Variants in KLHL30 observed in about 807,000 individuals in gnomAD.
KLHL30 encodes kelch like family member 30.
In KLHL30, 55 loss-of-function variants were observed where a neutral mutation model predicts 55.0. The ratio of observed to expected loss-of-function variants is 1.00; its 90% CI spans 0.80 to 1.25. The LOEUF (loss-of-function observed/expected upper bound fraction) is 1.25, where lower values mean the gene tolerates loss of function less well. Ranked by LOEUF, KLHL30 falls within the 50% of genes most tolerant of loss-of-function variation. The pLI is 0.00. For synonymous variants in KLHL30, 356 were observed against 372.6 expected (o/e 0.96, Z 0.51); for missense variants, 786 against 811.6 (o/e 0.97, Z 0.38).
intron 7 of KLHL30, among the ~76,000 whole-genome samples, chr2:238,150,295 C>A (rs10205834): frequency 6.6e-6 from 1 of 151,990 alleles, no homozygotes; most frequent in African/African-American, 2.4e-5. Flanking sequence ...CCCACCCGCC[C>A]GGGCTCTTCC....
intron 3 of KLHL30, among the ~76,000 whole-genome samples, chr2:238,144,406 G>GGAAGGAAGGAAT (rs1692600174): frequency 8.2e-6 from 1 of 122,452 alleles, no homozygotes; most frequent in Non-Finnish European, 1.8e-5. Context: ...AAGGAAGGAA[G>GGAAGGAAGGAAT]GAAGGAAGGA....
chr2:238,151,017 G>A lies in KLHL30; in HGVS notation c.1689G>A (p.Leu563=). 1 of 1,592,940 alleles carries A rather than the reference G, an allele frequency of 6.3e-7. No homozygotes were observed. The highest frequency in any genetic ancestry group is 1.1e-5 in the South Asian group (1 of 87,484). The part of the protein sequence containing the change: ...WLYHGASTVF[L]DVSKWTQPSG... ...ACCACGGGGCCTCCACCGTCTTCCT[G>A]GATGTCTCCAAGTGGACCCAGCCCT... Residue 563 remains leucine (L), a synonymous_variant, in exon 8 of 8, where the codon CTG becomes CTA. Coordinates refer to ENST00000409223, the MANE Select transcript of KLHL30 (RefSeq NM_198582.4).
chr2:238,152,016 C>T lies in KLHL30; in HGVS notation c.*951C>T. The T allele has an allele frequency of 4.1e-6, 4 of 985,506 alleles. No homozygotes were observed. The highest frequency in any genetic ancestry group is 4.8e-6 in the Non-Finnish European group (4 of 829,976). The allele number at this position is 985,506 out of a possible 1,614,324, so 61.0% of individuals were successfully genotyped here. On this transcript the variant is annotated 3_prime_UTR_variant, in exon 8 of 8. Coordinates refer to ENST00000409223, the MANE Select transcript of KLHL30 (RefSeq NM_198582.4). ...CTTCTCCCTCATCCTGAATGAGGCACCCACCTTTGCAGCTAAGGAGACAAT... is the reference window on the plus strand; with the variant it reads ...CTTCTCCCTCATCCTGAATGAGGCATCCACCTTTGCAGCTAAGGAGACAAT...
At chr2:238,145,092 T>G in intron 4 of KLHL30, 104 bp downstream of exon 4, 1 of 910,712 alleles carries the variant, frequency 1.1e-6, no homozygotes, top group South Asian at 1.4e-5. Flanking sequence ...AGTCAAGGCT[T>G]GCCGAGGCCT....
At position 238,152,671 on chromosome 2, in the gene KLHL30, T is replaced by G. The variant is rs1692779490; in HGVS notation, c.*1606T>G. 6.6e-6 allele frequency: 1 copy of G among 152,194 alleles called. No homozygotes were observed. The highest frequency in any genetic ancestry group is 6.5e-5 in the Admixed American group (1 of 15,270). 9.4% of individuals were successfully genotyped at this position (152,194 alleles called of 1,614,324 possible). A position where few individuals can be genotyped will look rare whatever the true frequency, so the allele number is the denominator to read the frequency against. ...AGGTGTGGGAGAAGTGAGTTGACCC[T>G]GGAGGGCCAGACAGAGTGGGGCCTC... is the stretch of plus-strand genomic sequence containing the variant. On this transcript the variant is annotated 3_prime_UTR_variant, in exon 8 of 8. Coordinates refer to ENST00000409223, the MANE Select transcript of KLHL30 (RefSeq NM_198582.4).
In KLHL30 at chr2:238,140,815, G is replaced by T; in HGVS notation, c.61G>T (p.Asp21Tyr). The change falls in exon 2 of 8, where the codon GAT becomes TAT. Residue 21 changes from aspartate to tyrosine, a missense_variant. Coordinates refer to ENST00000409223, the MANE Select transcript of KLHL30 (RefSeq NM_198582.4). ...GCCCTCGCATGCCCAGGACATGCTG[G>T]ATGGCCTGCAGCGCCTGCGCTCTCA... ...HLPSHAQDML[D>Y]GLQRLRSQPK... 2 of 1,601,856 alleles carry T rather than the reference G, an allele frequency of 1.2e-6. No homozygotes were observed. Among genetic ancestry groups the T allele is most frequent in the Non-Finnish European group, 8.5e-7 (1 of 1,172,020 alleles).
rs375887927 is a variant in KLHL30 at position 238,147,912 on chromosome 2, A to G, written c.1229A>G (p.Lys410Arg). ...TGGACGCCCGTCAGCCCGGCCCTCAAATACGTCAGCAACTTCTCGGCTGCC... is the reference window on the plus strand; with the variant it reads ...TGGACGCCCGTCAGCCCGGCCCTCAGATACGTCAGCAACTTCTCGGCTGCC... ...DSWTPVSPAL[K>R]YVSNFSAAGC... Residue 410 changes from lysine (K) to arginine (R), a missense_variant, in exon 6 of 8, where the codon AAA becomes AGA. Transcript: ENST00000409223. This position sits in a 1 kb window ranked among gnomAD's most constrained non-coding sequence, Gnocchi z 5.8. 3.1e-6 allele frequency: 5 copies of G among 1,603,876 alleles called. No individual in the cohort carries two copies. The African/African-American group carries it at 6.7e-5, about 22-fold the overall frequency.
chr2:238,148,176 G>A (rs532033838), intron 6 of KLHL30, among the ~76,000 whole-genome samples, 154 bp downstream of exon 6: 1 of 152,222 alleles, frequency 6.6e-6, no homozygotes, highest in Non-Finnish European at 1.5e-5. Context: ...CAAAGAGGAG[G>A]GGATGTGGAG....
chr2:238,148,998 C>G lies in KLHL30; in HGVS notation c.1340-9C>G. 6.3e-7 allele frequency: 1 copy of G among 1,583,956 alleles called. No individual in the cohort carries two copies. Among genetic ancestry groups the G allele is most frequent in the Non-Finnish European group, 8.6e-7 (1 of 1,165,422 alleles). On this transcript the variant is annotated splice_polypyrimidine_tract_variant and intron_variant, in intron 6 of 7. Transcript: ENST00000409223. ...TGGTGACGGTGGCCAGTGCCCGTGC[C>G]CCCCACAGATGCGTGGAGTGTGATC...
Position 238,148,013 on chromosome 2 carries a change from C to A in KLHL30, c.1330C>A (p.Pro444Thr). ...YNALALQCYNPVTDAWSVIAS... is the reference protein window; with the variant it reads ...YNALALQCYNTVTDAWSVIAS... ...CGCCCTGGCCCTGCAGTGCTACAAC[C>A]CTGTCACAGGTGGGTGGGGCTCAGG... The change falls in exon 6 of 8, where the codon CCT (proline) becomes ACT (threonine). Residue 444 changes from proline to threonine, a missense_variant. Coordinates refer to ENST00000409223, the MANE Select transcript of KLHL30 (RefSeq NM_198582.4). The A allele has an allele frequency of 1.2e-5, 17 of 1,457,650 alleles. No homozygotes were observed. Among genetic ancestry groups the A allele is most frequent in the Non-Finnish European group, 1.6e-5 (17 of 1,096,088 alleles). The allele number at this position is 1,457,650 out of a possible 1,614,324, so 90.3% of individuals were successfully genotyped here. A position where few individuals can be genotyped will look rare whatever the true frequency, so the allele number is the denominator to read the frequency against.
chr2:238,144,404 A>AGGCAGGCAGGC (rs1692599261), intron 3 of KLHL30, among the ~76,000 whole-genome samples: 2 of 121,782 alleles, frequency 1.6e-5, no homozygotes, highest in East Asian at 2.6e-4. Flanking sequence ...GGAAGGAAGG[A>AGGCAGGCAGGC]AGGAAGGAAG....
chr2:238,148,170 G>A, intron 6 of KLHL30, 148 bp downstream of exon 6: 1 of 756,656 alleles, frequency 1.3e-6, no homozygotes, highest in Non-Finnish European at 2.0e-6. Context: ...CTCTCACAAA[G>A]AGGAGGGGAT....
chr2:238,148,503 C>G (rs1574760377), intron 6 of KLHL30, among the ~76,000 whole-genome samples: 1 of 152,378 alleles, frequency 6.6e-6, no homozygotes, highest in African/African-American at 2.4e-5. Context: ...CACCCCGACC[C>G]TGGTCTCCAG....
chr2:238,147,870 A>G lies in KLHL30; in HGVS notation c.1187A>G (p.Asp396Gly). Residue 396 changes from aspartate to glycine, a missense_variant, in exon 6 of 8, where the codon GAC becomes GGC. Asp to Gly is a moderately conservative substitution (Grantham distance 94). Coordinates refer to ENST00000409223, the MANE Select transcript of KLHL30 (RefSeq NM_198582.4). This position sits in a 1 kb window ranked among gnomAD's most constrained non-coding sequence, Gnocchi z 5.8. ...GACGTGGTGGAGGTGGAGAGCTATG[A>G]CCCCTACACGGACAGCTGGACGCCC... ...TLDVVEVESY[D>G]PYTDSWTPVS... is the part of the protein sequence containing the mutation. 6.4e-7 allele frequency: 1 copy of G among 1,574,552 alleles called. No homozygotes were observed. The highest frequency in any genetic ancestry group is 8.6e-7 in the Non-Finnish European group (1 of 1,158,312).
intron 3 of KLHL30, among the ~76,000 whole-genome samples, chr2:238,143,544 G>A (rs1349223099): frequency 2.0e-5 from 3 of 152,258 alleles, no homozygotes; most frequent in Non-Finnish European, 4.4e-5. Context: ...AAGGAGGCAT[G>A]AGGGGCCCCG....
At chr2:238,148,596 T>G (rs1692690388) in intron 6 of KLHL30, among the ~76,000 whole-genome samples, 1 of 143,306 alleles carries the variant, frequency 7.0e-6, no homozygotes, top group Admixed American at 7.4e-5. Flanking sequence ...AGAGACTGAC[T>G]GGGCCCAGAG....
intron 7 of KLHL30, among the ~76,000 whole-genome samples, chr2:238,150,525 C>T (rs763486741): frequency 7.9e-5 from 12 of 152,166 alleles, no homozygotes; most frequent in South Asian, 2.1e-4. Flanking sequence ...CGAGTCAGCC[C>T]GGACCTCCCC....
Position 238,151,732 on chromosome 2 carries a change from G to A in KLHL30, c.*667G>A. 1 of 246,864 alleles carries A rather than the reference G, an allele frequency of 4.1e-6. No individual in the cohort carries two copies. Among genetic ancestry groups the A allele is most frequent in the Non-Finnish European group, 6.5e-6 (1 of 154,424 alleles). The allele number at this position is 246,864 out of a possible 1,614,324, so 15.3% of individuals were successfully genotyped here. A position where few individuals can be genotyped will look rare whatever the true frequency, so the allele number is the denominator to read the frequency against. ...CCATCTCTTGCACCCAGAGGGCGGT[G>A]CCCACAGAGGCACCAGGAAGGAGGG... On this transcript the variant is annotated 3_prime_UTR_variant, in exon 8 of 8. Transcript: ENST00000409223.
Position 238,148,996 on chromosome 2 carries a change from GC to G in KLHL30, c.1340-5del. ...CCTGGTGACGGTGGCCAGTGCCCGT[GC>G]CCCCCACAGATGCGTGGAGTGTGAT... On this transcript the variant is annotated splice_polypyrimidine_tract_variant and intron_variant, in intron 6 of 7. Transcript: ENST00000409223. 3 of 1,580,944 alleles carry G rather than the reference GC, an allele frequency of 1.9e-6. No individual in the cohort carries two copies. Among genetic ancestry groups the G allele is most frequent in the Non-Finnish European group, 2.6e-6 (3 of 1,163,906 alleles).
Sources: gnomAD v4.1 joint callset for allele counts (sites outside exome capture counted in the v4.1 genomes callset) on GRCh38, gnomAD v4.1.1 for gene constraint, Gnocchi (gnomAD v3.1) non-coding constraint, MANE v1.5 for transcripts, NCBI Gene and HGNC (gene_info 2026-07-23, HGNC 2026-07-21) for gene names.